BABAM2: variants seen among roughly 807,000 people sequenced by gnomAD.
BABAM2 encodes the protein BRISC and BRCA1-A complex member 2.
In BABAM2, 31 loss-of-function variants were observed where a neutral mutation model predicts 54.7. The observed-to-expected ratio is 0.57, with a 90% CI of 0.43 to 0.77. The LOEUF (loss-of-function observed/expected upper bound fraction) is 0.77. BABAM2 is among the 30% of genes least tolerant of loss of function. The pLI, the probability that BABAM2 is intolerant of heterozygous loss-of-function variation, is 0.00. For missense variants in BABAM2, 364 were observed against 455.8 expected (o/e 0.80, Z 1.83); for synonymous variants, 167 against 162.9 (o/e 1.03, Z -0.19).
At chr2:28,139,321 CAAAAAAAAAAAAAAAA>C (rs768755922) in intron 7 of BABAM2, among the ~76,000 whole-genome samples, 1 of 87,090 alleles carries the variant, frequency 1.1e-5, no homozygotes, top group South Asian at 3.8e-4. Context: ...AACTCCGTCT[CAAAAAAAAAAAAAAAA>C]AAAAAAAAGA....
intron 2 of BABAM2, among the ~76,000 whole-genome samples, chr2:27,919,007 A>T (rs1160482558): frequency 6.6e-6 from 1 of 152,104 alleles, no homozygotes; most frequent in East Asian, 1.9e-4. Flanking sequence ...GAGTCTTTTA[A>T]TCCATGAACA....
intron 6 of BABAM2, among the ~76,000 whole-genome samples, chr2:28,063,218 C>A (rs915863804): frequency 2.0e-5 from 3 of 152,102 alleles, no homozygotes; most frequent in African/African-American, 7.2e-5. Context: ...GAATTGAGTC[C>A]AGAACTATAA....
upstream of BABAM2, chr2:27,890,373 G>T: frequency 6.2e-7 from 1 of 1,603,950 alleles, no homozygotes. The surrounding 1 kb of genome is among the most constrained non-coding windows in gnomAD (Gnocchi z 4.8). Flanking sequence ...GTCCAACCTG[G>T]ACGGTGACCT....
intron 10 of BABAM2, among the ~76,000 whole-genome samples, chr2:28,265,145 G>A (rs997116558): frequency 3.9e-5 from 6 of 152,058 alleles, no homozygotes; most frequent in African/African-American, 1.4e-4. Flanking sequence ...CCCTATATAA[G>A]ACACAATTAG....
intron 3 of BABAM2, among the ~76,000 whole-genome samples, chr2:27,969,551 G>C (rs370498865): frequency 3.9e-5 from 6 of 152,248 alleles, no homozygotes; most frequent in East Asian, 3.9e-4. Context: ...CTTCCAAGTA[G>C]TCCAGCCTTT....
At chr2:28,002,698 T>C (rs191641076) in intron 4 of BABAM2, among the ~76,000 whole-genome samples, 20 of 152,246 alleles carry the variant, frequency 1.3e-4, no homozygotes, top group Admixed American at 3.9e-4. Context: ...GAGCAACCAT[T>C]AGATTGTTAG....
chr2:28,240,575 A>C (rs1010730795), intron 8 of BABAM2, among the ~76,000 whole-genome samples: 1 of 152,172 alleles, frequency 6.6e-6, no homozygotes, highest in Non-Finnish European at 1.5e-5. Context: ...ATTGTTTTTT[A>C]AAAAACATTT....
At chr2:28,271,758 T>C (rs989936498) in intron 10 of BABAM2, among the ~76,000 whole-genome samples, 2 of 152,244 alleles carry the variant, frequency 1.3e-5, no homozygotes, top group Non-Finnish European at 2.9e-5. Context: ...ACTCTGCTTA[T>C]CAGTTTCAAA....
chr2:28,013,008 G>A (rs1156771745), intron 4 of BABAM2, among the ~76,000 whole-genome samples: 1 of 152,124 alleles, frequency 6.6e-6, no homozygotes, highest in South Asian at 2.1e-4. Flanking sequence ...CATTTGAAGT[G>A]GAAATTCAAG....
At chr2:28,247,982 T>G in intron 10 of BABAM2, among the ~76,000 whole-genome samples, 1 of 152,138 alleles carries the variant, frequency 6.6e-6, no homozygotes, top group East Asian at 1.9e-4. Flanking sequence ...TCCATCCACT[T>G]ATTCCTTCCT....
intron 3 of BABAM2, among the ~76,000 whole-genome samples, chr2:27,945,005 T>G (rs1047262679): frequency 3.9e-5 from 6 of 151,988 alleles, no homozygotes; most frequent in African/African-American, 7.3e-5. Flanking sequence ...CTACCTTTTT[T>G]TTTTTTAAAG....
chr2:28,114,845 T>A (rs1668470687), intron 6 of BABAM2, among the ~76,000 whole-genome samples: 1 of 151,954 alleles, frequency 6.6e-6, no homozygotes, highest in Non-Finnish European at 1.5e-5. Context: ...CTGCCCAAAC[T>A]TATACCAACT....
chr2:28,111,008 A>C, intron 6 of BABAM2, among the ~76,000 whole-genome samples: 2 of 139,348 alleles, frequency 1.4e-5, no homozygotes, highest in Admixed American at 7.6e-5. Context: ...TCGCTTTGTC[A>C]CCCAGGCTGG....
intron 11 of BABAM2, among the ~76,000 whole-genome samples, chr2:28,324,875 C>T (rs1690316532): frequency 6.6e-6 from 1 of 152,138 alleles, no homozygotes; most frequent in Non-Finnish European, 1.5e-5. Context: ...AAAATAGAAT[C>T]ACCTGCCTGG....
At chr2:28,136,998 A>G (rs1217626855) in intron 7 of BABAM2, among the ~76,000 whole-genome samples, 1 of 152,210 alleles carries the variant, frequency 6.6e-6, no homozygotes, top group Non-Finnish European at 1.5e-5. Flanking sequence ...TTACCACCAA[A>G]TTTGATATCT....
rs1553414641 is a variant in BABAM2 at position 28,026,959 on chromosome 2, A to AAAT, written c.495+1540_495+1541insATA. On this transcript the variant is annotated intron_variant, in intron 5 of 11. Transcript: ENST00000379624. ...ATATAAATATATATTAATATATATA[A>AAAT]ATATATATATAAATATATAAATATA... Among the ~76,000 whole-genome samples the AAAT allele has an allele frequency of 8.6e-4, 8 of 9,306 alleles. 1 individual carries two copies. Among genetic ancestry groups the AAAT allele is most frequent in the South Asian group, 0.018 (1 of 56 alleles). The allele number at this position is 9,306 out of a possible 152,430, so 6.1% of individuals were successfully genotyped here. A position where few individuals can be genotyped will look rare whatever the true frequency, so the allele number is the denominator to read the frequency against.
chr2:28,266,101 C>T (rs907881336), intron 10 of BABAM2, among the ~76,000 whole-genome samples: 1 of 152,136 alleles, frequency 6.6e-6, no homozygotes, highest in Non-Finnish European at 1.5e-5. Context: ...TCTCATGCCT[C>T]AGCCTCCCAA....
chr2:27,933,345 A>G (rs1558598099), intron 3 of BABAM2, among the ~76,000 whole-genome samples: 1 of 152,166 alleles, frequency 6.6e-6, no homozygotes, highest in Non-Finnish European at 1.5e-5. Flanking sequence ...TCTTATGCTA[A>G]AATGAGTCAA....
chr2:28,194,377 G>A (rs2147930757), intron 7 of BABAM2, among the ~76,000 whole-genome samples: 1 of 152,156 alleles, frequency 6.6e-6, no homozygotes, highest in South Asian at 2.1e-4. Flanking sequence ...GATTAAGAAG[G>A]TTGCTGACCT....
Sources: allele counts gnomAD v4.1 joint callset (sites outside exome capture counted in the v4.1 genomes callset), GRCh38; gene constraint gnomAD v4.1.1; non-coding constraint Gnocchi (gnomAD v3.1); transcripts MANE v1.5; gene names NCBI Gene and HGNC (gene_info 2026-07-23, HGNC 2026-07-21).